SAMD5: variants seen among roughly 807,000 people sequenced by gnomAD.
The protein encoded by SAMD5 is sterile alpha motif domain containing 5.
In SAMD5, 13 loss-of-function variants were observed where a neutral mutation model predicts 11.3. The ratio of observed to expected loss-of-function variants is 1.15; its 90% CI spans 0.75 to 1.83. The LOEUF (loss-of-function observed/expected upper bound fraction) is 1.83, where lower values mean the gene tolerates loss of function less well. Ranked by LOEUF, SAMD5 falls within the 40% of genes most tolerant of loss-of-function variation. The probability of loss-of-function intolerance (pLI) is 0.00; values close to 1 mark genes in which losing one functional copy is unlikely to be tolerated. For synonymous variants in SAMD5, 129 were observed against 111.3 expected (o/e 1.16, Z -1.00); for missense variants, 255 against 239.1 (o/e 1.07, Z -0.44).
intron 1 of SAMD5, among the ~76,000 whole-genome samples, chr6:147,619,385 A>T (rs1789924048): frequency 6.6e-6 from 1 of 152,210 alleles, no homozygotes; most frequent in South Asian, 2.1e-4. Flanking sequence ...ACACACCTTA[A>T]TCTTGAGAAA....
chr6:147,932,591 TGTGTG>T, the SAMD5 span, among the ~76,000 whole-genome samples: 25 of 2,124 alleles, frequency 0.012, no homozygotes, highest in African/African-American at 0.081. Context: ...TACAGAATTG[TGTGTG>T]TGTGTGTGTG....
At chr6:147,646,727 T>G (rs574646063) in intron 1 of SAMD5, among the ~76,000 whole-genome samples, 9 of 152,300 alleles carry the variant, frequency 5.9e-5, no homozygotes, top group Non-Finnish European at 1.3e-4. Context: ...GTGTATAAAA[T>G]AAACTTGAAA....
the SAMD5 span, among the ~76,000 whole-genome samples, chr6:147,942,907 T>A: frequency 6.7e-6 from 1 of 149,470 alleles, no homozygotes; most frequent in Non-Finnish European, 1.5e-5. Flanking sequence ...TCACTGCCGC[T>A]GCCACAAGTG....
intron 1 of SAMD5, among the ~76,000 whole-genome samples, chr6:147,616,871 C>T (rs1221004992): frequency 6.6e-6 from 1 of 152,170 alleles, no homozygotes; most frequent in Non-Finnish European, 1.5e-5. Flanking sequence ...ACTAGAAGAG[C>T]ATGGAGAAAA....
At chr6:147,693,691 C>T (rs146038531) in intron 1 of SAMD5, among the ~76,000 whole-genome samples, 6 of 152,248 alleles carry the variant, frequency 3.9e-5, no homozygotes, top group Non-Finnish European at 5.9e-5. Flanking sequence ...TGGGGCCGGG[C>T]GCGGTGGCTC....
chr6:147,737,842 T>C (rs1480801260), downstream of SAMD5, among the ~76,000 whole-genome samples: 1 of 152,024 alleles, frequency 6.6e-6, no homozygotes, highest in Non-Finnish European at 1.5e-5. Context: ...TATATACTTA[T>C]GTTTTCTGCA....
the SAMD5 span, among the ~76,000 whole-genome samples, chr6:147,918,022 G>T: frequency 6.6e-6 from 1 of 152,144 alleles, no homozygotes; most frequent in Non-Finnish European, 1.5e-5. Flanking sequence ...TTTTGCTTAG[G>T]ATTGTCTTGG....
At chr6:147,721,875 A>T (rs890496086) in intron 1 of SAMD5, among the ~76,000 whole-genome samples, 1 of 152,180 alleles carries the variant, frequency 6.6e-6, no homozygotes, top group East Asian at 1.9e-4. Flanking sequence ...GGTTATTTCC[A>T]TAAAGTTATA....
the SAMD5 span, among the ~76,000 whole-genome samples, chr6:147,839,985 G>A: frequency 1.2e-4 from 18 of 152,250 alleles, 1 homozygote; most frequent in Non-Finnish European, 2.4e-4. Flanking sequence ...AGCTGAGATG[G>A]GAAGCCAGGC....
chr6:147,725,924 G>A (rs541147634), intron 1 of SAMD5, among the ~76,000 whole-genome samples: 1 of 152,300 alleles, frequency 6.6e-6, no homozygotes, highest in East Asian at 1.9e-4. Context: ...TATTAACACT[G>A]TTGGATCAGA....
At chr6:147,712,197 C>T (rs1791410063) in intron 1 of SAMD5, among the ~76,000 whole-genome samples, 1 of 152,122 alleles carries the variant, frequency 6.6e-6, no homozygotes, top group South Asian at 2.1e-4. Context: ...TGTAAAGTTT[C>T]AGCCAAGCAA....
the SAMD5 span, among the ~76,000 whole-genome samples, chr6:147,857,016 A>C: frequency 6.6e-6 from 1 of 151,886 alleles, no homozygotes; most frequent in South Asian, 2.1e-4. Flanking sequence ...GGAGCTAAGA[A>C]AATGGGTGCC....
At chr6:147,639,237 A>T (rs930515222) in intron 1 of SAMD5, among the ~76,000 whole-genome samples, 3 of 152,230 alleles carry the variant, frequency 2.0e-5, no homozygotes, top group Non-Finnish European at 4.4e-5. Flanking sequence ...AGAATACTAT[A>T]ATTGTATGAA....
chr6:147,719,873 T>C (rs1791522521), intron 1 of SAMD5, among the ~76,000 whole-genome samples: 1 of 152,224 alleles, frequency 6.6e-6, no homozygotes, highest in Non-Finnish European at 1.5e-5. Context: ...AATAATGTTT[T>C]CTACAGAAAG....
the SAMD5 span, among the ~76,000 whole-genome samples, chr6:147,900,471 G>A: frequency 2.7e-3 from 410 of 152,284 alleles, 2 homozygotes; most frequent in African/African-American, 9.6e-3. Context: ...GCAGTGCTGC[G>A]GTAGTAAGAC....
intron 1 of SAMD5, among the ~76,000 whole-genome samples, chr6:147,598,465 C>CT (rs1242579818): frequency 3.9e-5 from 6 of 152,092 alleles, no homozygotes; most frequent in African/African-American, 7.2e-5. Context: ...CTTTCCCCTG[C>CT]TTTTTTGGCA....
the SAMD5 span, among the ~76,000 whole-genome samples, chr6:147,895,904 A>G: frequency 6.6e-6 from 1 of 152,218 alleles, no homozygotes; most frequent in African/African-American, 2.4e-5. Flanking sequence ...TTCAAAGACA[A>G]TTTTTGGAAC....
At chr6:147,798,526 G>GA in the SAMD5 span, among the ~76,000 whole-genome samples, 3 of 151,346 alleles carry the variant, frequency 2.0e-5, no homozygotes, top group Admixed American at 1.3e-4. Context: ...GTGTGGTGCT[G>GA]AAAAAAATGT....
chr6:147,707,536 A>G (rs1160116516), intron 1 of SAMD5, among the ~76,000 whole-genome samples: 1 of 152,050 alleles, frequency 6.6e-6, no homozygotes, highest in African/African-American at 2.4e-5. Flanking sequence ...AATAGGAAAC[A>G]CCCTCAACTT....
Sources: allele counts gnomAD v4.1 joint callset (sites outside exome capture counted in the v4.1 genomes callset), GRCh38; gene constraint gnomAD v4.1.1; transcripts MANE v1.5; gene names NCBI Gene and HGNC (gene_info 2026-07-23, HGNC 2026-07-21).